The following RBFOX1 variants were observed in gnomAD, a reference collection of about 807,000 sequenced individuals.
RBFOX1 encodes RNA binding fox-1 homolog 1.
In RBFOX1, 8 loss-of-function variants were observed where a neutral mutation model predicts 57.7. The observed-to-expected ratio is 0.14, with a 90% CI of 0.08 to 0.25. The LOEUF is 0.25. RBFOX1 is among the 10% of genes least tolerant of loss of function. RBFOX1 has a pLI of 1.00. For synonymous variants in RBFOX1, 326 were observed against 222.4 expected, an observed-to-expected ratio of 1.47 and a Z score of -4.15; for missense variants, 611 against 548.5, an observed-to-expected ratio of 1.11 and a Z score of -1.14.
At chr16:6,242,202 T>A (rs1319393247) in intron 1 of RBFOX1, among the ~76,000 whole-genome samples, 2 of 152,146 alleles carry the variant, frequency 1.3e-5, no homozygotes, top group East Asian at 3.9e-4. Flanking sequence ...TAGTTATCAG[T>A]ACTATAAGAC....
At chr16:6,317,250 C>A (rs914817521) in intron 2 of RBFOX1, among the ~76,000 whole-genome samples, 193 bp downstream of exon 2, 2 of 152,130 alleles carry the variant, frequency 1.3e-5, no homozygotes, top group Admixed American at 1.3e-4. Context: ...CCTCCTTTAG[C>A]CCTCCCTCCC....
Position 5,664,072 on chromosome 16 carries a change from C to G in RBFOX1, c.318+65111C>G, listed in dbSNP as rs145278905. 1.1e-4 allele frequency among the ~76,000 whole-genome samples: 17 copies of G among 152,302 alleles called. No individual in the cohort carries two copies. In the East Asian group the frequency reaches 3.3e-3, roughly 29 times the overall value. ...GCACACTGTCTTCTCTCGTAGAGAC[C>G]CACCCTTCTCGGCAGCTGCCTCTAG... On this transcript the variant is annotated intron_variant, in intron 3 of 19. Transcript: ENST00000641259.
intron 4 of RBFOX1, among the ~76,000 whole-genome samples, chr16:5,916,620 G>A (rs911089861): frequency 6.6e-5 from 10 of 152,104 alleles, no homozygotes; most frequent in Admixed American, 2.0e-4. Flanking sequence ...TTCAGGGGAA[G>A]CAGGAGGAGG....
Position 6,994,945 on chromosome 16 carries a change from T to TTGTGTGTGTGTGTGTG in RBFOX1, c.-15-57098_-15-57083dup, listed in dbSNP as rs145095044. Among the ~76,000 whole-genome samples the TTGTGTGTGTGTGTGTG allele has an allele frequency of 3.1e-3, 461 of 148,090 alleles. 4 individuals carry two copies. Among genetic ancestry groups the TTGTGTGTGTGTGTGTG allele is most frequent in the South Asian group, 0.016 (73 of 4,598 alleles). On this transcript the variant is annotated intron_variant, in intron 3 of 15. Coordinates refer to ENST00000550418, the MANE Select transcript of RBFOX1 (RefSeq NM_018723.4). ...TTGGGCATGTGATTCTTGCATTATT[T>TTGTGTGTGTGTGTGTG]TGTGTGTGTGTGTGTGTGTGTGTGT...
At chr16:6,067,182 T>C (rs1413675148) in intron 1 of RBFOX1, among the ~76,000 whole-genome samples, 2 of 152,158 alleles carry the variant, frequency 1.3e-5, no homozygotes, top group East Asian at 1.9e-4. Context: ...ACATTAAAAA[T>C]AGAACTCCTT....
rs147015920 is a variant in RBFOX1, at chr16:6,246,713, C to A, written c.-126-70282C>A. Among the ~76,000 whole-genome samples, 990 of 152,302 alleles carry A rather than the reference C, an allele frequency of 6.5e-3. 5 individuals are homozygous for A. The highest frequency in any genetic ancestry group is 0.017 in the Middle Eastern group (5 of 294). ...GACTTTGTGTTAGTATAACTGCGGA[C>A]TGGATAGGGAGCGTTTGTCCAGGCT... On this transcript the variant is annotated intron_variant, in intron 1 of 15. Transcript: ENST00000550418.
intron 4 of RBFOX1, among the ~76,000 whole-genome samples, chr16:7,502,007 C>T (rs770522817): frequency 1.3e-5 from 2 of 152,210 alleles, no homozygotes; most frequent in Non-Finnish European, 1.5e-5. Context: ...TGCTCTTGCC[C>T]ATTTGGACAG....
At chr16:5,520,101 G>A (rs2043952976) in intron 2 of RBFOX1, among the ~76,000 whole-genome samples, 1 of 152,220 alleles carries the variant, frequency 6.6e-6, no homozygotes, top group Non-Finnish European at 1.5e-5. Context: ...AAGAACGTGG[G>A]AGCATCATTC....
chr16:7,498,105 G>C (rs781311005), intron 4 of RBFOX1, among the ~76,000 whole-genome samples: 1 of 152,190 alleles, frequency 6.6e-6, no homozygotes, highest in South Asian at 2.1e-4. Context: ...TGTGAAGGCT[G>C]TCTTGGGGTT....
At chr16:6,025,038 G>T (rs1228263494) in intron 1 of RBFOX1, among the ~76,000 whole-genome samples, 1 of 152,180 alleles carries the variant, frequency 6.6e-6, no homozygotes, top group Non-Finnish European at 1.5e-5. Context: ...CTTGTGGCCT[G>T]GGAAGGGACC....
intron 4 of RBFOX1, among the ~76,000 whole-genome samples, chr16:7,234,807 A>C (rs1290610143): frequency 6.6e-6 from 1 of 152,016 alleles, no homozygotes; most frequent in African/African-American, 2.4e-5. Context: ...TCAATTTCCA[A>C]AAATATGCAA....
At chr16:6,742,534 C>A (rs909455367) in intron 3 of RBFOX1, among the ~76,000 whole-genome samples, 2 of 152,092 alleles carry the variant, frequency 1.3e-5, no homozygotes, top group Non-Finnish European at 2.9e-5. Context: ...AAGCTATACA[C>A]AATTATTGTC....
intron 4 of RBFOX1, among the ~76,000 whole-genome samples, chr16:7,365,481 G>A (rs1250874331): frequency 6.6e-6 from 1 of 152,158 alleles, no homozygotes; most frequent in Non-Finnish European, 1.5e-5. Flanking sequence ...AAGAAGGAGT[G>A]ATTTTTTTCC....
At chr16:6,616,049 A>G (rs537872006) in intron 2 of RBFOX1, among the ~76,000 whole-genome samples, 8 of 152,314 alleles carry the variant, frequency 5.3e-5, no homozygotes, top group Admixed American at 4.6e-4. Flanking sequence ...TAGGAAAGTC[A>G]GACTGTCATC....
chr16:6,487,682 AAAAAAAAAAAAAAAAAAAATATATATAT>A (rs1408755596), intron 2 of RBFOX1, among the ~76,000 whole-genome samples: 150 of 13,682 alleles, frequency 0.011, 4 homozygotes, highest in African/African-American at 0.012. Flanking sequence ...GTAAAAAAAA[AAAAAAAAAAAAAAAAAAAATATATATAT>A]ATATATATAT....
intron 4 of RBFOX1, among the ~76,000 whole-genome samples, chr16:7,115,367 T>C (rs576003275): frequency 3.9e-5 from 6 of 152,312 alleles, no homozygotes; most frequent in African/African-American, 9.6e-5. Flanking sequence ...CCTACCTACA[T>C]AGAGCTTATA....
intron 3 of RBFOX1, among the ~76,000 whole-genome samples, chr16:6,837,194 T>A (rs1242844791): frequency 6.6e-6 from 1 of 152,218 alleles, no homozygotes; most frequent in Non-Finnish European, 1.5e-5. Flanking sequence ...TCAGGTTAGG[T>A]TGTACTAGGT....
intron 4 of RBFOX1, among the ~76,000 whole-genome samples, chr16:7,231,106 T>C (rs530309097): frequency 6.6e-6 from 1 of 152,288 alleles, no homozygotes; most frequent in African/African-American, 2.4e-5. Context: ...CAGGGTAAGA[T>C]AAGTATGGTT....
chr16:5,447,710 C>G (rs1328739224), intron 1 of RBFOX1, among the ~76,000 whole-genome samples: 1 of 152,196 alleles, frequency 6.6e-6, no homozygotes, highest in Non-Finnish European at 1.5e-5. Context: ...TTCTCTCTTT[C>G]TAGACTGTGT....
Sources: allele counts gnomAD v4.1 joint callset (sites outside exome capture counted in the v4.1 genomes callset), GRCh38; gene constraint gnomAD v4.1.1; transcripts MANE v1.5; gene names NCBI Gene and HGNC (gene_info 2026-07-23, HGNC 2026-07-21).